The following GSTCD variants were observed in gnomAD, a reference collection of about 807,000 sequenced individuals.
The protein encoded by GSTCD is glutathione S-transferase C-terminal domain containing, also known as glutathione S-transferase C-terminal domain-containing protein.
Under a neutral mutation model 68.3 loss-of-function variants are expected in GSTCD, and 44 were observed. That is an observed-to-expected ratio of 0.64 (90% CI 0.51 to 0.83). The LOEUF (loss-of-function observed/expected upper bound fraction) is 0.83. Ranked by LOEUF, GSTCD falls within the 40% of genes least tolerant of loss-of-function variation. The pLI is 0.00. For synonymous variants in GSTCD, 273 were observed against 255.2 expected (o/e 1.07, Z -0.67); for missense variants, 739 against 735.9 (o/e 1.00, Z -0.05).
At chr4:105,785,876 T>C (rs1309486728) in intron 5 of GSTCD, among the ~76,000 whole-genome samples, 1 of 152,136 alleles carries the variant, frequency 6.6e-6, no homozygotes, top group African/African-American at 2.4e-5. Flanking sequence ...TGAAAAACTG[T>C]TACAATTACT....
intron 5 of GSTCD, among the ~76,000 whole-genome samples, chr4:105,780,770 T>C (rs1735246874): frequency 6.6e-6 from 1 of 152,212 alleles, no homozygotes; most frequent in Non-Finnish European, 1.5e-5. Flanking sequence ...TATTGATTAA[T>C]TTAGCAGAGT....
Position 105,717,860 on chromosome 4 carries a change from CCAATAGTCCAAAATTG to C in GSTCD, c.249_264del (p.Ile84ValfsTer5). ...GATTATTTCAAGGCAGGAGCTCCCA[CCAATAGTCCAAAATTG>C]CTGTTTGCCTGCAGTAGTAGAACGA... On this transcript the variant is annotated frameshift_variant, in exon 2 of 12. Coordinates refer to ENST00000515279, the MANE Select transcript of GSTCD (RefSeq NM_001370181.1). LOFTEE classifies it high-confidence loss of function. 2 of 1,614,098 alleles carry C rather than the reference CCAATAGTCCAAAATTG, an allele frequency of 1.2e-6. No individual in the cohort carries two copies. The highest frequency in any genetic ancestry group is 1.7e-6 in the Non-Finnish European group (2 of 1,179,998).
At chr4:105,824,291 T>A (rs1275845016) in intron 7 of GSTCD, among the ~76,000 whole-genome samples, 4 of 152,164 alleles carry the variant, frequency 2.6e-5, no homozygotes, top group Non-Finnish European at 4.4e-5. Flanking sequence ...CAGTTGTTTG[T>A]TTTATTATTA....
At chr4:105,783,928 G>C (rs1735371440) in intron 5 of GSTCD, among the ~76,000 whole-genome samples, 2 of 152,288 alleles carry the variant, frequency 1.3e-5, no homozygotes, top group African/African-American at 2.4e-5. Flanking sequence ...CCATCAATTT[G>C]AGTTTGTCTG....
At chr4:105,750,481 A>G (rs11941774) in intron 5 of GSTCD, among the ~76,000 whole-genome samples, 2 of 150,994 alleles carry the variant, frequency 1.3e-5, no homozygotes, top group Non-Finnish European at 3.0e-5. Context: ...AAAAAAAAAG[A>G]AAAGTAACAA....
chr4:105,839,831 C>A (rs1282283890), intron 10 of GSTCD, among the ~76,000 whole-genome samples: 1 of 152,138 alleles, frequency 6.6e-6, no homozygotes, highest in Non-Finnish European at 1.5e-5. Flanking sequence ...AAGAGATAGG[C>A]TGCCCATGGT....
chr4:105,770,215 T>A (rs1734788459), intron 5 of GSTCD, among the ~76,000 whole-genome samples: 1 of 152,192 alleles, frequency 6.6e-6, no homozygotes, highest in East Asian at 1.9e-4. Context: ...GTTCAGCACG[T>A]TTATAGCTGC....
intron 8 of GSTCD, among the ~76,000 whole-genome samples, chr4:105,831,702 A>G (rs1333498374): frequency 1.3e-5 from 2 of 151,956 alleles, no homozygotes; most frequent in African/African-American, 4.8e-5. Flanking sequence ...TTTGTGCTGT[A>G]AGTTGTCAAT....
intron 5 of GSTCD, among the ~76,000 whole-genome samples, chr4:105,739,516 A>G (rs1733563439): frequency 6.6e-6 from 1 of 152,150 alleles, no homozygotes; most frequent in African/African-American, 2.4e-5. Flanking sequence ...GAGACTTTTT[A>G]TTACTAATTC....
intron 5 of GSTCD, among the ~76,000 whole-genome samples, chr4:105,784,125 T>C (rs372790843): frequency 1.3e-5 from 2 of 152,378 alleles, no homozygotes; most frequent in South Asian, 4.1e-4. Flanking sequence ...TAATTTGTGG[T>C]AGTCTGAGAC....
intron 5 of GSTCD, among the ~76,000 whole-genome samples, chr4:105,757,044 G>C (rs1236753746): frequency 1.3e-5 from 2 of 152,130 alleles, no homozygotes; most frequent in South Asian, 2.1e-4. Flanking sequence ...TTAACCTAAG[G>C]GACTGGAGTT....
At chr4:105,791,411 A>T (rs1000126971) in intron 5 of GSTCD, among the ~76,000 whole-genome samples, 3 of 136,232 alleles carry the variant, frequency 2.2e-5, no homozygotes, top group Non-Finnish European at 5.0e-5. Context: ...AAAAAAAAAG[A>T]AAAAAGGAAC....
At chr4:105,823,302 A>T in intron 7 of GSTCD, 27 bp downstream of exon 7, 2 of 1,609,200 alleles carry the variant, frequency 1.2e-6, no homozygotes, top group Non-Finnish European at 1.7e-6. Flanking sequence ...AGATAAAAGG[A>T]AATATTTTAA....
chr4:105,755,633 C>A (rs185981024), intron 5 of GSTCD, among the ~76,000 whole-genome samples: 1 of 152,130 alleles, frequency 6.6e-6, no homozygotes, highest in Non-Finnish European at 1.5e-5. Flanking sequence ...AACTGCCCCC[C>A]ACTTCAGATG....
At chr4:105,780,692 A>G (rs1735243700) in intron 5 of GSTCD, among the ~76,000 whole-genome samples, 1 of 152,202 alleles carries the variant, frequency 6.6e-6, no homozygotes, top group Non-Finnish European at 1.5e-5. Context: ...ATGTCAAATG[A>G]TTCTTTTATA....
At chr4:105,797,793 G>A (rs1268480204) in intron 5 of GSTCD, among the ~76,000 whole-genome samples, 2 of 39,264 alleles carry the variant, frequency 5.1e-5, no homozygotes, top group Non-Finnish European at 9.8e-5. Context: ...TTTTTTTTTT[G>A]AGACAGAGTC....
intron 5 of GSTCD, among the ~76,000 whole-genome samples, chr4:105,781,623 C>T (rs187613771): frequency 6.6e-6 from 1 of 151,860 alleles, no homozygotes; most frequent in East Asian, 1.9e-4. Flanking sequence ...AAGTATTCTA[C>T]GCAGAACAGA....
Position 105,729,517 on chromosome 4 carries a change from T to C in GSTCD, c.1240+18T>C. The C allele has an allele frequency of 6.5e-7, 1 of 1,545,612 alleles. No homozygotes were observed. Among genetic ancestry groups the C allele is most frequent in the South Asian group, 1.1e-5 (1 of 88,226 alleles). ...AAAGGAAGGTGAGTTTTCTTTTTTC[T>C]TTAAGTTTTATTCATACTTTGGATA... is the stretch of plus-strand genomic sequence containing the variant. On this transcript the variant is annotated intron_variant, in intron 5 of 11. Coordinates refer to ENST00000515279, the MANE Select transcript of GSTCD (RefSeq NM_001370181.1).
At chr4:105,762,803 G>A (rs1306113311) in intron 5 of GSTCD, among the ~76,000 whole-genome samples, 2 of 152,020 alleles carry the variant, frequency 1.3e-5, no homozygotes, top group Non-Finnish European at 2.9e-5. Flanking sequence ...TCTTTTGGGG[G>A]ATGGTGTTCA....
Sources: gnomAD v4.1 joint callset for allele counts (sites outside exome capture counted in the v4.1 genomes callset) on GRCh38, gnomAD v4.1.1 for gene constraint, MANE v1.5 for transcripts, NCBI Gene and HGNC (gene_info 2026-07-23, HGNC 2026-07-21) for gene names.